Variants in PARD3 observed in about 807,000 individuals in gnomAD.
The protein encoded by PARD3 is partitioning defective 3 homolog.
A neutral mutation model predicts 155.4 loss-of-function variants in PARD3; 75 were observed. The ratio of observed to expected loss-of-function variants is 0.48; its 90% CI spans 0.40 to 0.58. The LOEUF (loss-of-function observed/expected upper bound fraction) is 0.58. Ranked by LOEUF, PARD3 falls within the 20% of genes least tolerant of loss-of-function variation. The pLI is 0.00. For synonymous variants in PARD3, 576 were observed against 610.5 expected (o/e 0.94, Z 0.83); for missense variants, 1,642 against 1,721.7 (o/e 0.95, Z 0.82).
intron 22 of PARD3, among the ~76,000 whole-genome samples, chr10:34,243,096 A>G (rs1336688848): frequency 2.0e-5 from 3 of 152,246 alleles, no homozygotes; most frequent in Admixed American, 6.5e-5. Context: ...ACACAGAACC[A>G]ATTATAATTA....
At chr10:34,765,454 G>T (rs906489130) in intron 1 of PARD3, among the ~76,000 whole-genome samples, 8 of 151,966 alleles carry the variant, frequency 5.3e-5, no homozygotes, top group Admixed American at 4.6e-4. Context: ...GAGGCGGGTA[G>T]ATCACCTGAG....
intron 2 of PARD3, among the ~76,000 whole-genome samples, chr10:34,565,638 C>T (rs970966449): frequency 1.3e-5 from 2 of 152,032 alleles, no homozygotes; most frequent in Non-Finnish European, 2.9e-5. Context: ...TTAAAATCCT[C>T]GTTTTTAAGA....
At chr10:34,371,507 A>AC (rs1840628352) in intron 12 of PARD3, among the ~76,000 whole-genome samples, 1 of 118,684 alleles carries the variant, frequency 8.4e-6, no homozygotes, top group Non-Finnish European at 1.8e-5. Context: ...AAAAAAAAAA[A>AC]AAAAAAAAAA....
At chr10:34,188,066 CAT>C (rs1950560819) in intron 22 of PARD3, among the ~76,000 whole-genome samples, 2 of 152,174 alleles carry the variant, frequency 1.3e-5, no homozygotes, top group African/African-American at 4.8e-5. Flanking sequence ...CAGCATAAAT[CAT>C]GTGTTAGAAT....
chr10:34,794,075 CG>C (rs759677594), intron 1 of PARD3, among the ~76,000 whole-genome samples: 4 of 151,730 alleles, frequency 2.6e-5, no homozygotes, highest in Non-Finnish European at 4.4e-5. Flanking sequence ...TTCAATCTCC[CG>C]TAAGTACAAA....
chr10:34,253,286 C>T (rs1317441674), intron 22 of PARD3, among the ~76,000 whole-genome samples: 1 of 152,214 alleles, frequency 6.6e-6, no homozygotes, highest in Non-Finnish European at 1.5e-5. Flanking sequence ...CTGTCCTTGA[C>T]TCACATTAGT....
intron 2 of PARD3, among the ~76,000 whole-genome samples, chr10:34,611,180 T>C (rs1285543080): frequency 6.6e-6 from 1 of 152,226 alleles, no homozygotes; most frequent in African/African-American, 2.4e-5. Flanking sequence ...CATGTATTAA[T>C]GCTTCAGTGC....
intron 5 of PARD3, among the ~76,000 whole-genome samples, chr10:34,407,081 G>A (rs1236784506): frequency 6.6e-6 from 1 of 152,160 alleles, no homozygotes; most frequent in African/African-American, 2.4e-5. Flanking sequence ...TTAGAAACAT[G>A]GAAGTAAATA....
intron 21 of PARD3, among the ~76,000 whole-genome samples, chr10:34,278,982 CAG>C (rs916066239): frequency 1.3e-5 from 2 of 152,118 alleles, no homozygotes; most frequent in Non-Finnish European, 2.9e-5. Flanking sequence ...ATTGCCAATG[CAG>C]AGAGATGCTC....
At chr10:34,784,396 A>G (rs766727813) in intron 1 of PARD3, among the ~76,000 whole-genome samples, 19 of 152,108 alleles carry the variant, frequency 1.2e-4, no homozygotes, top group Non-Finnish European at 2.4e-4. Flanking sequence ...TACTAACAAG[A>G]GTAGGGCAAA....
intron 1 of PARD3, among the ~76,000 whole-genome samples, chr10:34,699,274 A>T (rs779806978): frequency 1.3e-5 from 2 of 152,234 alleles, no homozygotes; most frequent in Non-Finnish European, 2.9e-5. Context: ...ACGTTTTGAA[A>T]AGAACTGAGC....
chr10:34,613,316 G>A (rs1299514015), intron 2 of PARD3, among the ~76,000 whole-genome samples: 1 of 152,090 alleles, frequency 6.6e-6, no homozygotes, highest in Non-Finnish European at 1.5e-5. Context: ...TCAGCTTTTA[G>A]TATCACCTTT....
At chr10:34,372,252 A>C (rs1286139235) in intron 12 of PARD3, among the ~76,000 whole-genome samples, 1 of 152,138 alleles carries the variant, frequency 6.6e-6, no homozygotes, top group African/African-American at 2.4e-5. Flanking sequence ...TCACTTTGCA[A>C]GTGAATAGGA....
At chr10:34,533,815 C>CA (rs201546431) in intron 2 of PARD3, among the ~76,000 whole-genome samples, 1,916 of 145,682 alleles carry the variant, frequency 0.013, 17 homozygotes, top group Middle Eastern at 0.048. Flanking sequence ...AAAAAAACAA[C>CA]AAAAAAAAAC....
chr10:34,413,615 CTCTA>C (rs1845352277), intron 5 of PARD3, among the ~76,000 whole-genome samples: 1 of 152,154 alleles, frequency 6.6e-6, no homozygotes, highest in Non-Finnish European at 1.5e-5. Context: ...CCTCACAGGT[CTCTA>C]TCACCACGCT....
chr10:34,444,920 T>C (rs1197245721), intron 5 of PARD3, among the ~76,000 whole-genome samples: 1 of 152,184 alleles, frequency 6.6e-6, no homozygotes, highest in Non-Finnish European at 1.5e-5. Flanking sequence ...GAGATAAGCA[T>C]TAAGTAGAAA....
At chr10:34,736,330 CTTT>C (rs564413627) in intron 1 of PARD3, among the ~76,000 whole-genome samples, 6 of 128,386 alleles carry the variant, frequency 4.7e-5, no homozygotes, top group Non-Finnish European at 8.2e-5. Flanking sequence ...GCGCCTGGCC[CTTT>C]TTTTTTTTTT....
chr10:34,183,286 G>A (rs191417152), intron 22 of PARD3, among the ~76,000 whole-genome samples: 30 of 152,246 alleles, frequency 2.0e-4, no homozygotes, highest in African/African-American at 5.8e-4. Flanking sequence ...GGAGTGCAGC[G>A]GGGTGATCAC....
intron 1 of PARD3, among the ~76,000 whole-genome samples, chr10:34,784,174 G>A (rs1352211904): frequency 6.6e-6 from 1 of 152,124 alleles, no homozygotes; most frequent in Admixed American, 6.5e-5. Context: ...CCACGCCACT[G>A]TACTCCATCC....
Sources: gnomAD v4.1 joint callset for allele counts (sites outside exome capture counted in the v4.1 genomes callset) on GRCh38, gnomAD v4.1.1 for gene constraint, MANE v1.5 for transcripts, NCBI Gene and HGNC (gene_info 2026-07-23, HGNC 2026-07-21) for gene names.